The following EFCAB6 variants were observed in gnomAD, a reference collection of about 807,000 sequenced individuals.
The protein encoded by EFCAB6 is EF-hand calcium binding domain 6.
Under a neutral mutation model 169.8 loss-of-function variants are expected in EFCAB6, and 156 were observed. The observed-to-expected ratio is 0.92, with a 90% CI of 0.81 to 1.05. EFCAB6 has a LOEUF of 1.05. Ranked by LOEUF, EFCAB6 falls within the 50% of genes least tolerant of loss-of-function variation. EFCAB6 has a pLI of 0.00. For synonymous variants in EFCAB6, 698 were observed against 676.4 expected (o/e 1.03, Z -0.50); for missense variants, 1,800 against 1,829.1 (o/e 0.98, Z 0.29).
At chr22:43,558,917 C>G (rs2048864000) in intron 26 of EFCAB6, among the ~76,000 whole-genome samples, 1 of 152,164 alleles carries the variant, frequency 6.6e-6, no homozygotes, top group South Asian at 2.1e-4. Context: ...TGCAAAGTCT[C>G]TGAGACATGC....
intron 26 of EFCAB6, among the ~76,000 whole-genome samples, chr22:43,574,335 CA>C (rs1196009767): frequency 6.6e-6 from 1 of 152,042 alleles, no homozygotes; most frequent in East Asian, 1.9e-4. Context: ...TTCTTTAAGG[CA>C]GGGTAGTGCA....
intron 21 of EFCAB6, among the ~76,000 whole-genome samples, chr22:43,609,056 G>T (rs1162042385): frequency 1.3e-5 from 2 of 152,304 alleles, no homozygotes; most frequent in East Asian, 3.9e-4. Flanking sequence ...GGTACAGAAG[G>T]TATTGTCAGG....
intron 9 of EFCAB6, among the ~76,000 whole-genome samples, chr22:43,713,171 A>AG (rs1432888558): frequency 1.3e-5 from 2 of 152,104 alleles, no homozygotes; most frequent in East Asian, 3.9e-4. Flanking sequence ...CTAAAAAAAA[A>AG]TTGTATTCAT....
chr22:43,661,719 A>G (rs2057010765), intron 17 of EFCAB6, among the ~76,000 whole-genome samples: 1 of 152,216 alleles, frequency 6.6e-6, no homozygotes, highest in African/African-American at 2.4e-5. Context: ...TCCACTCAGC[A>G]TGCTGTCCTT....
At chr22:43,677,403 T>A (rs374593865) in intron 13 of EFCAB6, among the ~76,000 whole-genome samples, 39 of 152,234 alleles carry the variant, frequency 2.6e-4, no homozygotes, top group South Asian at 8.3e-4. Flanking sequence ...ATCCCAGCAC[T>A]TTGGGAGGCC....
intron 30 of EFCAB6, among the ~76,000 whole-genome samples, chr22:43,533,716 C>G (rs1432483457): frequency 6.6e-6 from 1 of 152,182 alleles, no homozygotes; most frequent in African/African-American, 2.4e-5. Flanking sequence ...TCATGCTGAC[C>G]TGACAACTGC....
intron 6 of EFCAB6, among the ~76,000 whole-genome samples, chr22:43,746,005 T>C (rs1442267533): frequency 2.0e-5 from 3 of 152,228 alleles, no homozygotes; most frequent in Admixed American, 6.5e-5. Flanking sequence ...CTGCAGAGTA[T>C]TGGCTTCCTA....
chr22:43,630,551 G>A (rs2054866809), intron 19 of EFCAB6, among the ~76,000 whole-genome samples: 1 of 152,240 alleles, frequency 6.6e-6, no homozygotes, highest in Non-Finnish European at 1.5e-5. Context: ...GTCTGAGAGA[G>A]GGAACAGGGA....
chr22:43,666,712 T>TTC (rs2057276723), intron 17 of EFCAB6, among the ~76,000 whole-genome samples: 1 of 148,644 alleles, frequency 6.7e-6, no homozygotes, highest in Non-Finnish European at 1.5e-5. Context: ...TTTTTTTTTT[T>TTC]TTTCATTCTA....
chr22:43,728,929 A>C (rs1209129809), intron 8 of EFCAB6, among the ~76,000 whole-genome samples: 3 of 152,170 alleles, frequency 2.0e-5, no homozygotes, highest in African/African-American at 7.2e-5. Flanking sequence ...CGCATTTGTC[A>C]ATTTTGGCTT....
intron 27 of EFCAB6, 147 bp downstream of exon 27, chr22:43,554,722 A>C: frequency 1.5e-6 from 1 of 681,872 alleles, no homozygotes; most frequent in Non-Finnish European, 2.5e-6. Context: ...ATTCCTGTGA[A>C]TCTTCAGGAA....
chr22:43,637,091 T>C (rs944340274), intron 17 of EFCAB6, among the ~76,000 whole-genome samples: 1 of 152,148 alleles, frequency 6.6e-6, no homozygotes, highest in African/African-American at 2.4e-5. Flanking sequence ...CAAAATCCAG[T>C]CTGAGCCTTT....
At chr22:43,542,291 T>C (rs1339374596) in intron 27 of EFCAB6, among the ~76,000 whole-genome samples, 1 of 152,188 alleles carries the variant, frequency 6.6e-6, no homozygotes, top group African/African-American at 2.4e-5. Context: ...TTAAATTCTG[T>C]GGTGCAGGCT....
At chr22:43,720,518 A>C (rs918994462) in intron 8 of EFCAB6, among the ~76,000 whole-genome samples, 58 of 152,078 alleles carry the variant, frequency 3.8e-4, no homozygotes, top group Non-Finnish European at 5.7e-4. Flanking sequence ...TCTCTAAAAA[A>C]TAAAATAAAA....
intron 5 of EFCAB6, among the ~76,000 whole-genome samples, chr22:43,762,825 A>G (rs375104483): frequency 4.6e-5 from 7 of 152,358 alleles, no homozygotes; most frequent in Admixed American, 6.5e-5. Context: ...AAGACTATTC[A>G]TATTAGTTTA....
chr22:43,781,859 C>A (rs930349341), intron 3 of EFCAB6, among the ~76,000 whole-genome samples: 1 of 152,048 alleles, frequency 6.6e-6, no homozygotes, highest in African/African-American at 2.4e-5. Context: ...TTTCTGTACA[C>A]CTAAAACTGC....
intron 8 of EFCAB6, among the ~76,000 whole-genome samples, chr22:43,718,658 A>G (rs1569436297): frequency 6.6e-6 from 1 of 152,148 alleles, no homozygotes; most frequent in African/African-American, 2.4e-5. Flanking sequence ...CGGCACGCCT[A>G]TAGTCCCAGC....
intron 27 of EFCAB6, 97 bp from the exon 28 acceptor site, chr22:43,540,454 G>A: frequency 1.9e-6 from 3 of 1,588,568 alleles, no homozygotes; most frequent in Non-Finnish European, 2.6e-6. Flanking sequence ...GGCCTCGCAG[G>A]AGGTGAGCAC....
At chr22:43,640,851 C>T (rs1293057147) in intron 17 of EFCAB6, among the ~76,000 whole-genome samples, 4 of 152,168 alleles carry the variant, frequency 2.6e-5, no homozygotes, top group Non-Finnish European at 5.9e-5. Context: ...CCAGTAGAAG[C>T]TTACATAGCC....
Sources: allele counts gnomAD v4.1 joint callset (sites outside exome capture counted in the v4.1 genomes callset), GRCh38; gene constraint gnomAD v4.1.1; transcripts MANE v1.5; gene names NCBI Gene and HGNC (gene_info 2026-07-23, HGNC 2026-07-21).